SYNE1: variants seen among roughly 807,000 people sequenced by gnomAD.
The protein encoded by SYNE1 is nesprin-1.
A neutral mutation model predicts 1,111.0 loss-of-function variants in SYNE1; 616 were observed. The observed-to-expected ratio is 0.55, with a 90% CI of 0.52 to 0.59. The LOEUF is 0.59. SYNE1 is among the 20% of genes least tolerant of loss of function. The probability of loss-of-function intolerance (pLI) is 0.00; values close to 1 mark genes in which losing one functional copy is unlikely to be tolerated. For missense variants in SYNE1, 10,006 were observed against 10,417.0 expected (o/e 0.96, Z 1.72); for synonymous variants, 3,855 against 3,825.8 (o/e 1.01, Z -0.28).
At position 152,373,089 on chromosome 6, in the gene SYNE1, T is replaced by C. The variant is rs748874989; in HGVS notation, c.9455A>G (p.Glu3152Gly). 4 of 1,614,184 alleles carry C rather than the reference T, an allele frequency of 2.5e-6. No individual in the cohort carries two copies. The East Asian group carries it at 6.7e-5, about 27-fold the overall frequency. Residue 3152 changes from glutamate to glycine, a missense_variant, in exon 59 of 146, where the codon GAA becomes GGA. Physicochemically the swap from Glu to Gly is moderately conservative, Grantham distance 98. Coordinates refer to ENST00000367255, the MANE Select transcript of SYNE1 (RefSeq NM_182961.4). ...GIQAKVTAAK[E>G]DWKNFHSNLH... ...ATTTGAATGAAAATTTTTCCAATCT[T>C]CTTTTGCAGCTGTAACTTTGGCCTG...
chr6:152,553,467 G>A (rs2099354674), intron 3 of SYNE1, among the ~76,000 whole-genome samples: 2 of 152,138 alleles, frequency 1.3e-5, no homozygotes, highest in South Asian at 4.2e-4. Context: ...AAACGATATG[G>A]CCAGAATCCA....
At chr6:152,555,647 G>C (rs1323857908) in intron 3 of SYNE1, among the ~76,000 whole-genome samples, 1 of 152,010 alleles carries the variant, frequency 6.6e-6, no homozygotes, top group Non-Finnish European at 1.5e-5. Context: ...CTGAAACCCA[G>C]AACAATTGGA....
intron 95 of SYNE1, among the ~76,000 whole-genome samples, chr6:152,286,228 C>T (rs1316720666): frequency 6.6e-6 from 1 of 152,192 alleles, no homozygotes; most frequent in Non-Finnish European, 1.5e-5. Flanking sequence ...CATGCTGCTG[C>T]TACCCAGATC....
chr6:152,353,726 T>C lies in SYNE1; in HGVS notation c.10945A>G (p.Thr3649Ala). ...TCCTCAACTTCATCTCTGTATGCAG[T>C]CACTTCTTCGTGCCACTTCTGAAAT... ...HQMKKWHEEV[T>A]AYRDEVEEVG... Residue 3649 changes from threonine (T) to alanine (A), a missense_variant, in exon 68 of 146, where the codon ACT (threonine) becomes GCT (alanine). Thr to Ala is a moderately conservative substitution (Grantham distance 58). This residue lies in a region of SYNE1 where 4,955 missense variants were observed against 5,017.2 expected (regional missense o/e 0.99). Transcript: ENST00000367255. The C allele has an allele frequency of 6.2e-7, 1 of 1,614,084 alleles. No homozygotes were observed. The highest frequency in any genetic ancestry group is 8.5e-7 in the Non-Finnish European group (1 of 1,180,030).
intron 24 of SYNE1, among the ~76,000 whole-genome samples, chr6:152,455,039 C>T (rs1593056556): frequency 6.6e-6 from 1 of 152,156 alleles, no homozygotes. Flanking sequence ...TCAAGTGACA[C>T]AGTATCTATA....
chr6:152,183,581 A>C (rs1319117788), intron 128 of SYNE1, among the ~76,000 whole-genome samples: 1 of 152,162 alleles, frequency 6.6e-6, no homozygotes, highest in African/African-American at 2.4e-5. Flanking sequence ...AGCCTGGGCA[A>C]CAGAGTGAGA....
chr6:152,626,017 T>A (rs2099684927), intron 3 of SYNE1, among the ~76,000 whole-genome samples: 1 of 152,158 alleles, frequency 6.6e-6, no homozygotes, highest in Non-Finnish European at 1.5e-5. Context: ...ACAGGCCTAT[T>A]TGTGTGATAG....
chr6:152,585,778 T>C (rs1460324981), intron 3 of SYNE1, among the ~76,000 whole-genome samples: 1 of 151,954 alleles, frequency 6.6e-6, no homozygotes, highest in East Asian at 1.9e-4. Flanking sequence ...AGTTCTATGG[T>C]TTCATCTTTT....
At chr6:152,164,046 G>T in intron 131 of SYNE1, 117 bp downstream of exon 131, 11 of 1,410,246 alleles carry the variant, frequency 7.8e-6, no homozygotes, top group Non-Finnish European at 1.1e-5. Context: ...CACCAGTCCT[G>T]CCTAGCTCCC....
chr6:152,452,256 A>T (rs2098657357), intron 25 of SYNE1, among the ~76,000 whole-genome samples: 1 of 152,316 alleles, frequency 6.6e-6, no homozygotes, highest in East Asian at 1.9e-4. Context: ...CTGATGAGAA[A>T]AATGAGGTGG....
intron 32 of SYNE1, among the ~76,000 whole-genome samples, chr6:152,440,086 G>C (rs1483028691): frequency 6.6e-6 from 1 of 152,102 alleles, no homozygotes; most frequent in Non-Finnish European, 1.5e-5. Context: ...CACTCACTCT[G>C]TCTGGTTAGT....
chr6:152,418,927 T>A (rs967789619), intron 40 of SYNE1, among the ~76,000 whole-genome samples: 1 of 152,148 alleles, frequency 6.6e-6, no homozygotes, highest in African/African-American at 2.4e-5. Context: ...CCTACTACCC[T>A]CCTGAAGCCC....
At chr6:152,234,081 AAC>A (rs1316108173) in intron 111 of SYNE1, 118 bp from the exon 112 acceptor site, 1 of 1,087,236 alleles carries the variant, frequency 9.2e-7, no homozygotes, top group Non-Finnish European at 1.4e-6. Flanking sequence ...GGTTATGCTG[AAC>A]ACTCAAAAGA....
intron 3 of SYNE1, among the ~76,000 whole-genome samples, chr6:152,554,098 G>A (rs1162113681): frequency 6.6e-6 from 1 of 152,022 alleles, no homozygotes; most frequent in Non-Finnish European, 1.5e-5. Flanking sequence ...GGCAACATTT[G>A]GAGAGCTGGG....
rs554166026 is a variant in SYNE1, at chr6:152,122,795, A to G, written c.26154-119T>C. 6.4e-4 allele frequency: 953 copies of G among 1,499,064 alleles called. 4 individuals are homozygous for G. The highest frequency in any genetic ancestry group is 4.3e-3 in the African/African-American group (312 of 73,100). 92.9% of individuals were successfully genotyped at this position (1,499,064 alleles called of 1,614,324 possible). On this transcript the variant is annotated intron_variant, in intron 145 of 145. Coordinates refer to ENST00000367255, the MANE Select transcript of SYNE1 (RefSeq NM_182961.4). ...ATGCCAAGCACACCCCAGCCTGGCGATCAGCTGCCAGCCTTCCACAGTGTG... is the reference window on the plus strand; with the variant it reads ...ATGCCAAGCACACCCCAGCCTGGCGGTCAGCTGCCAGCCTTCCACAGTGTG...
chr6:152,188,999 A>G, intron 128 of SYNE1, among the ~76,000 whole-genome samples: 1 of 121,860 alleles, frequency 8.2e-6, no homozygotes, highest in Non-Finnish European at 1.6e-5. Flanking sequence ...ATATATATAT[A>G]TATATATATA....
intron 41 of SYNE1, among the ~76,000 whole-genome samples, chr6:152,414,413 A>G (rs570014469): frequency 1.1e-3 from 168 of 149,468 alleles, no homozygotes; most frequent in Non-Finnish European, 1.5e-3. Flanking sequence ...TGTCTCAAAG[A>G]AAAAAAAAAG....
intron 42 of SYNE1, among the ~76,000 whole-genome samples, chr6:152,412,288 G>C (rs565038319): frequency 9.5e-4 from 145 of 152,206 alleles, no homozygotes; most frequent in African/African-American, 3.2e-3. Flanking sequence ...GCTGGGTGTG[G>C]TGGCGGGCAC....
At chr6:152,427,282 A>G (rs1037007057) in intron 38 of SYNE1, among the ~76,000 whole-genome samples, 1 of 152,200 alleles carries the variant, frequency 6.6e-6, no homozygotes, top group Admixed American at 6.5e-5. Flanking sequence ...CTTTAAAAGA[A>G]CACCCTTTAT....
Sources: allele counts gnomAD v4.1 joint callset (sites outside exome capture counted in the v4.1 genomes callset), GRCh38; gene constraint gnomAD v4.1.1; regional missense constraint gnomAD v4.1.1; transcripts MANE v1.5; gene names NCBI Gene and HGNC (gene_info 2026-07-23, HGNC 2026-07-21).